ANXA7: variants seen among roughly 807,000 people sequenced by gnomAD.
The protein encoded by ANXA7 is annexin VII.
A neutral mutation model predicts 64.9 loss-of-function variants in ANXA7; 55 were observed. That is an observed-to-expected ratio of 0.85 (90% CI 0.68 to 1.06). ANXA7 has a LOEUF of 1.06. Among genes scored for constraint, ANXA7 ranks in the 50% least tolerant of loss-of-function variants. The probability of loss-of-function intolerance (pLI) is 0.00; values close to 1 mark genes in which losing one functional copy is unlikely to be tolerated. For missense variants in ANXA7, 548 were observed against 582.1 expected (o/e 0.94, Z 0.60); for synonymous variants, 200 against 192.4 (o/e 1.04, Z -0.33).
intron 1 of ANXA7, among the ~76,000 whole-genome samples, chr10:73,404,890 A>G (rs1252392862): frequency 6.6e-6 from 1 of 152,156 alleles, no homozygotes; most frequent in Non-Finnish European, 1.5e-5. Flanking sequence ...AAGCCAACGC[A>G]GGTGGATCAC....
chr10:73,396,258 C>A, intron 5 of ANXA7: 1 of 649,256 alleles, frequency 1.5e-6, no homozygotes. Flanking sequence ...GAACTAAAAC[C>A]AAGACCCCAG....
intron 9 of ANXA7, 94 bp from the exon 10 acceptor site, chr10:73,380,295 CTATT>C: frequency 7.8e-7 from 1 of 1,288,404 alleles, no homozygotes; most frequent in Non-Finnish European, 1.1e-6. Flanking sequence ...TTTAAAGAGA[CTATT>C]TCTTTTTTTT....
intron 1 of ANXA7, among the ~76,000 whole-genome samples, chr10:73,404,083 A>C (rs1387332616): frequency 6.6e-6 from 1 of 152,230 alleles, no homozygotes; most frequent in Non-Finnish European, 1.5e-5. Flanking sequence ...TTATTAATTC[A>C]TTATAACACT....
intron 12 of ANXA7, 120 bp from the exon 13 acceptor site, chr10:73,376,337 G>T (rs1160838161): frequency 5.2e-6 from 5 of 956,938 alleles, no homozygotes; most frequent in Non-Finnish European, 7.3e-6. Flanking sequence ...AACACCAAGT[G>T]ACTGACATTT....
At position 73,398,187 on chromosome 10, in the gene ANXA7, G is replaced by T; in HGVS notation, c.253C>A (p.Pro85Thr). 2 of 1,610,468 alleles carry T rather than the reference G, an allele frequency of 1.2e-6. No individual in the cohort carries two copies. The highest frequency in any genetic ancestry group is 1.7e-6 in the Non-Finnish European group (2 of 1,177,564). ...APQPGGAPSYPGVPPGQGFGV... is the reference protein window; with the variant it reads ...APQPGGAPSYTGVPPGQGFGV... Reference sequence around the variant, plus strand: ...TCCGCAACCCGTAACTCACCTCCGGGATAGGATGGAGCTCCCCCTGGCTGT... The same window carrying T: ...TCCGCAACCCGTAACTCACCTCCGGTATAGGATGGAGCTCCCCCTGGCTGT... The change falls in exon 3 of 13, where the codon CCC becomes ACC. Residue 85 changes from proline to threonine, a missense_variant. Pro to Thr is a conservative substitution (Grantham distance 38, BLOSUM62 -1). Coordinates refer to ENST00000372921, the MANE Select transcript of ANXA7 (RefSeq NM_001156.5).
At chr10:73,390,749 T>C (rs1287768960) in intron 5 of ANXA7, among the ~76,000 whole-genome samples, 1 of 137,232 alleles carries the variant, frequency 7.3e-6, no homozygotes, top group South Asian at 2.1e-4. Context: ...CACACACATA[T>C]ATATATATTG....
At chr10:73,396,217 A>T (rs2055573010) in intron 5 of ANXA7, 2 of 728,352 alleles carry the variant, frequency 2.7e-6, no homozygotes, top group African/African-American at 3.6e-5. Context: ...TCATAGGTGT[A>T]ACTGCTGGTA....
intron 3 of ANXA7, 129 bp downstream of exon 3, chr10:73,398,052 T>C (rs1280181626): frequency 3.4e-6 from 3 of 884,906 alleles, no homozygotes; most frequent in Non-Finnish European, 3.3e-6. Flanking sequence ...AGCTAGGTCC[T>C]TACTACCTAA....
At position 73,387,756 on chromosome 10, in the gene ANXA7, A is replaced by G; in HGVS notation, c.566T>C (p.Val189Ala). ...FGTDEQAIVDVVANRSNDQRQ... is the reference protein window; with the variant it reads ...FGTDEQAIVDAVANRSNDQRQ... ...CTGATCATTGGAACGGTTGGCCACC[A>G]CATCCACAATTGCCTGCTCATCTGT... The change falls in exon 7 of 13, where the codon GTG becomes GCG. Residue 189 changes from valine (V) to alanine (A), a missense_variant. Transcript: ENST00000372921. 1 of 1,613,288 alleles carries G rather than the reference A, an allele frequency of 6.2e-7. No homozygotes were observed. Among genetic ancestry groups the G allele is most frequent in the South Asian group, 1.1e-5 (1 of 91,004 alleles).
chr10:73,391,170 TAAAA>T (rs547724690), intron 5 of ANXA7, among the ~76,000 whole-genome samples: 4 of 132,928 alleles, frequency 3.0e-5, no homozygotes, highest in African/African-American at 5.5e-5. Flanking sequence ...CTCTGTCTCT[TAAAA>T]AAAAAAAAAA....
At chr10:73,411,418 C>A (rs2055835919) in intron 1 of ANXA7, among the ~76,000 whole-genome samples, 1 of 152,140 alleles carries the variant, frequency 6.6e-6, no homozygotes, top group Non-Finnish European at 1.5e-5. Context: ...CAAAAAACCA[C>A]TTGTACTCCA....
rs372264381 is a variant in ANXA7, at chr10:73,400,751, T to C, written c.54+52A>G. ...ATCTGTAAGATCTGACATGGGCCAG[T>C]CCCAAACAACACCTGTTTTAAGGAT... On this transcript the variant is annotated intron_variant, in intron 2 of 12. Coordinates refer to ENST00000372921, the MANE Select transcript of ANXA7 (RefSeq NM_001156.5). 18 of 1,453,814 alleles carry C rather than the reference T, an allele frequency of 1.2e-5. No homozygotes were observed. In the East Asian group the frequency reaches 2.6e-4, roughly 21 times the overall value. 90.1% of individuals were successfully genotyped at this position (1,453,814 alleles called of 1,614,324 possible). A position where few individuals can be genotyped will look rare whatever the true frequency, so the allele number is the denominator to read the frequency against.
At chr10:73,410,411 C>T (rs1039492655) in intron 1 of ANXA7, among the ~76,000 whole-genome samples, 2 of 152,094 alleles carry the variant, frequency 1.3e-5, no homozygotes, top group Non-Finnish European at 2.9e-5. Flanking sequence ...AATAATTCAA[C>T]ATCATTAATC....
intron 1 of ANXA7, among the ~76,000 whole-genome samples, chr10:73,411,817 A>G (rs1338901701): frequency 2.0e-5 from 3 of 152,044 alleles, no homozygotes; most frequent in Non-Finnish European, 4.4e-5. Context: ...ATTAAAAATG[A>G]GGCAGCTTTT....
chr10:73,413,156 A>G (rs2055870883), intron 1 of ANXA7, among the ~76,000 whole-genome samples: 1 of 151,962 alleles, frequency 6.6e-6, no homozygotes, highest in Admixed American at 6.5e-5. Flanking sequence ...ACCACCAGTG[A>G]GGACTGAAAG....
At chr10:73,409,426 T>TA (rs1358286865) in intron 1 of ANXA7, among the ~76,000 whole-genome samples, 1 of 151,826 alleles carries the variant, frequency 6.6e-6, no homozygotes, top group Non-Finnish European at 1.5e-5. Flanking sequence ...GCTGCAAAAA[T>TA]AAAAAATAAA....
chr10:73,404,623 G>C (rs1159466811), intron 1 of ANXA7, among the ~76,000 whole-genome samples: 2 of 151,952 alleles, frequency 1.3e-5, no homozygotes, highest in Non-Finnish European at 2.9e-5. Flanking sequence ...TGAGTACATG[G>C]GGATTCATTA....
chr10:73,378,827 G>T, intron 12 of ANXA7, 84 bp downstream of exon 12: 2 of 962,026 alleles, frequency 2.1e-6, no homozygotes, highest in Non-Finnish European at 3.3e-6. Context: ...ATTTTTGAGG[G>T]ACTGACAACC....
At position 73,383,620 on chromosome 10, in the gene ANXA7, G is replaced by A; in HGVS notation, c.704C>T (p.Pro235Leu). 1 of 1,613,698 alleles carries A rather than the reference G, an allele frequency of 6.2e-7. No individual in the cohort carries two copies. Among genetic ancestry groups the A allele is most frequent in the Non-Finnish European group, 8.5e-7 (1 of 1,179,702 alleles). Reference sequence around the variant, plus strand: ...GCTCCAGGCATCGTAATACGTAGGAGGCATGAAGAGGGCCAGGATCAGTTC... The same window carrying A: ...GCTCCAGGCATCGTAATACGTAGGAAGCATGAAGAGGGCCAGGATCAGTTC... ...MEELILALFM[P>L]PTYYDAWSLR... The change falls in exon 8 of 13, where the codon CCT becomes CTT. Residue 235 changes from proline (P) to leucine (L), a missense_variant. By Grantham distance (98) the Pro-to-Leu change is moderately conservative. Coordinates refer to ENST00000372921, the MANE Select transcript of ANXA7 (RefSeq NM_001156.5).
Sources: gnomAD v4.1 joint callset for allele counts (sites outside exome capture counted in the v4.1 genomes callset) on GRCh38, gnomAD v4.1.1 for gene constraint, MANE v1.5 for transcripts, NCBI Gene and HGNC (gene_info 2026-07-23, HGNC 2026-07-21) for gene names.